KIRREL3: variants seen among roughly 807,000 people sequenced by gnomAD.
KIRREL3 encodes the protein kin of IRRE-like protein 3.
A neutral mutation model predicts 89.7 loss-of-function variants in KIRREL3; 36 were observed. The ratio of observed to expected loss-of-function variants is 0.40; its 90% CI spans 0.31 to 0.53. KIRREL3 has a LOEUF of 0.53. KIRREL3 is among the 20% of genes least tolerant of loss of function. The pLI is 0.49. For missense variants in KIRREL3, 864 were observed against 1,056.6 expected (o/e 0.82, Z 2.53); for synonymous variants, 445 against 441.4 (o/e 1.01, Z -0.10).
chr11:126,438,480 C>T (rs1473137310), intron 11 of KIRREL3, among the ~76,000 whole-genome samples: 1 of 152,116 alleles, frequency 6.6e-6, no homozygotes, highest in Non-Finnish European at 1.5e-5. Context: ...AGCACCCTGG[C>T]CTCTACACAC....
In KIRREL3 at chr11:126,773,672, T is replaced by G. The variant is rs898113089; in HGVS notation, c.56-210760A>C. ...GCCATAGGAAGAACATCAAGCTGTA[T>G]GTATGTGTGTGTGTGTGTGTTTGTG... On this transcript the variant is annotated intron_variant, in intron 1 of 16. Transcript: ENST00000525144. The surrounding 1 kb of genome is among the most constrained non-coding windows in gnomAD (Gnocchi z 4.2). Among the ~76,000 whole-genome samples, 3 of 151,864 alleles carry G rather than the reference T, an allele frequency of 2.0e-5. No individual in the cohort carries two copies. The highest frequency in any genetic ancestry group is 7.2e-5 in the African/African-American group (3 of 41,380).
At chr11:126,597,173 C>T (rs1942436261) in intron 1 of KIRREL3, among the ~76,000 whole-genome samples, 1 of 152,222 alleles carries the variant, frequency 6.6e-6, no homozygotes, top group African/African-American at 2.4e-5. Context: ...CCAATCAGAG[C>T]CCTTGGCTCT....
intron 1 of KIRREL3, among the ~76,000 whole-genome samples, chr11:126,850,817 C>G (rs892883690): frequency 6.6e-6 from 1 of 152,200 alleles, no homozygotes; most frequent in Admixed American, 6.5e-5. Flanking sequence ...GATTAGGATC[C>G]TGGAGTACTC....
chr11:126,838,572 G>C (rs1257331188), intron 1 of KIRREL3, among the ~76,000 whole-genome samples: 1 of 152,200 alleles, frequency 6.6e-6, no homozygotes, highest in African/African-American at 2.4e-5. Context: ...GCCTCCCTCT[G>C]ATCAAGTGTG....
chr11:126,768,852 A>T lies in KIRREL3; in HGVS notation c.56-205940T>A, dbSNP rs1949930008. Among the ~76,000 whole-genome samples, 1 of 152,164 alleles carries T rather than the reference A, an allele frequency of 6.6e-6. No homozygotes were observed. Among genetic ancestry groups the T allele is most frequent in the African/African-American group, 2.4e-5 (1 of 41,442 alleles). ...AGCAGTCGGCGGAGACCAGACATAG[A>T]GCTCCATGGAGCACGAGAGCCATGG... On this transcript the variant is annotated intron_variant, in intron 1 of 16. Transcript: ENST00000525144. This position sits in a 1 kb window ranked among gnomAD's most constrained non-coding sequence, Gnocchi z 4.5.
intron 1 of KIRREL3, among the ~76,000 whole-genome samples, chr11:126,648,695 A>G (rs915125226): frequency 7.2e-5 from 11 of 152,250 alleles, no homozygotes; most frequent in Non-Finnish European, 8.8e-5. Flanking sequence ...ATATATATGT[A>G]TGTAATGAGT....
chr11:126,464,115 GT>G (rs1226944508), intron 5 of KIRREL3, among the ~76,000 whole-genome samples: 1 of 152,114 alleles, frequency 6.6e-6, no homozygotes, highest in Non-Finnish European at 1.5e-5. Flanking sequence ...GGTCTTTGCA[GT>G]TTAGTTAAGC....
rs1943513449 is a variant in KIRREL3, at chr11:126,620,004, C to T, written c.56-57092G>A. Among the ~76,000 whole-genome samples, 1 of 152,170 alleles carries T rather than the reference C, an allele frequency of 6.6e-6. No homozygotes were observed. Among genetic ancestry groups the T allele is most frequent in the Non-Finnish European group, 1.5e-5 (1 of 68,032 alleles). On this transcript the variant is annotated intron_variant, in intron 1 of 16. Transcript: ENST00000525144. This position sits in a 1 kb window ranked among gnomAD's most constrained non-coding sequence, Gnocchi z 4.8. ...TCCTTAAAAATCCCATCCTAAGTTT[C>T]TCGGGGAGGCAGATTTAAGGTTTCC... is the stretch of plus-strand genomic sequence containing the variant.
chr11:126,681,653 G>C (rs1946461728), intron 1 of KIRREL3: 4 of 331,256 alleles, frequency 1.2e-5, no homozygotes, highest in Non-Finnish European at 2.4e-5. Context: ...CTGGAGATCA[G>C]TGCTTGAGAT....
chr11:126,979,141 G>A (rs991108546), intron 1 of KIRREL3, among the ~76,000 whole-genome samples: 1 of 152,148 alleles, frequency 6.6e-6, no homozygotes, highest in Admixed American at 6.5e-5. Context: ...TTATCACTCA[G>A]CAAACACTCT....
intron 10 of KIRREL3, 61 bp downstream of exon 10, chr11:126,444,918 C>G (rs1955730597): frequency 1.9e-6 from 3 of 1,603,194 alleles, no homozygotes; most frequent in Admixed American, 3.3e-5. Flanking sequence ...TGCCTGGTGC[C>G]AAGATGCCTG....
Position 126,993,594 on chromosome 11 carries a change from A to G in KIRREL3, c.55+6861T>C, listed in dbSNP as rs947037662. On this transcript the variant is annotated intron_variant, in intron 1 of 16. Transcript: ENST00000525144. This position sits in a 1 kb window ranked among gnomAD's most constrained non-coding sequence, Gnocchi z 6.1. ...CCTTAATCGAAGTGTCTGCTCCCCA[A>G]CCAGACTAAGAGCTCTGGGGCAGAA... 1.6e-4 allele frequency among the ~76,000 whole-genome samples: 24 copies of G among 152,112 alleles called. No homozygotes were observed. Among genetic ancestry groups the G allele is most frequent in the Admixed American group, 3.3e-4 (5 of 15,280 alleles).
intron 1 of KIRREL3, among the ~76,000 whole-genome samples, chr11:126,949,577 C>T (rs773763446): frequency 2.0e-5 from 3 of 152,218 alleles, no homozygotes; most frequent in African/African-American, 7.2e-5. Flanking sequence ...AGAAGCTGAG[C>T]ATCTCTCCAT....
At chr11:126,928,883 A>G (rs530903325) in intron 1 of KIRREL3, among the ~76,000 whole-genome samples, 1 of 152,284 alleles carries the variant, frequency 6.6e-6, no homozygotes, top group South Asian at 2.1e-4. Flanking sequence ...GCTTAGGTAA[A>G]AGGTTAAGGC....
intron 2 of KIRREL3, among the ~76,000 whole-genome samples, chr11:126,543,540 C>T (rs757786646): frequency 9.2e-5 from 14 of 152,092 alleles, no homozygotes; most frequent in Non-Finnish European, 1.8e-4. Context: ...CAACAGTAGC[C>T]GGTCAGCAGA....
At chr11:126,665,579 T>C (rs1945625095) in intron 1 of KIRREL3, among the ~76,000 whole-genome samples, 1 of 152,198 alleles carries the variant, frequency 6.6e-6, no homozygotes, top group Admixed American at 6.5e-5. Context: ...TCTTCCACCA[T>C]GTGAGGACAG....
At position 126,946,630 on chromosome 11, in the gene KIRREL3, A is replaced by G. The variant is rs1948626800; in HGVS notation, c.55+53825T>C. Among the ~76,000 whole-genome samples, 1 of 152,232 alleles carries G rather than the reference A, an allele frequency of 6.6e-6. No individual in the cohort carries two copies. The highest frequency in any genetic ancestry group is 1.5e-5 in the Non-Finnish European group (1 of 68,044). Reference sequence around the variant, plus strand: ...AAGAGCTCATAAAATATGTCCCAATATCCATAACAGGAAGGACATTACTTC... The same window carrying G: ...AAGAGCTCATAAAATATGTCCCAATGTCCATAACAGGAAGGACATTACTTC... On this transcript the variant is annotated intron_variant, in intron 1 of 16. Transcript: ENST00000525144. This position sits in a 1 kb window ranked among gnomAD's most constrained non-coding sequence, Gnocchi z 4.1.
chr11:126,661,723 A>G (rs1460007856), intron 1 of KIRREL3, among the ~76,000 whole-genome samples: 4 of 152,230 alleles, frequency 2.6e-5, no homozygotes, highest in Admixed American at 6.5e-5. Flanking sequence ...AGGGAGCTAG[A>G]AAACTATGGA....
intron 1 of KIRREL3, among the ~76,000 whole-genome samples, chr11:126,662,755 T>C (rs567322294): frequency 6.6e-6 from 1 of 152,046 alleles, no homozygotes; most frequent in East Asian, 1.9e-4. Flanking sequence ...ATCCTAGCAG[T>C]TGGAGATAGC....
Sources: allele counts gnomAD v4.1 joint callset (sites outside exome capture counted in the v4.1 genomes callset), GRCh38; gene constraint gnomAD v4.1.1; non-coding constraint Gnocchi (gnomAD v3.1); transcripts MANE v1.5; gene names NCBI Gene and HGNC (gene_info 2026-07-23, HGNC 2026-07-21).